KCNH7: variants seen among roughly 807,000 people sequenced by gnomAD.
KCNH7 encodes potassium voltage-gated channel subfamily H member 7.
Under a neutral mutation model 120.8 loss-of-function variants are expected in KCNH7, and 49 were observed. That is an observed-to-expected ratio of 0.41 (90% CI 0.32 to 0.51). KCNH7 has a LOEUF of 0.51. KCNH7 is among the 20% of genes least tolerant of loss of function. The pLI is 0.38. For synonymous variants in KCNH7, 547 were observed against 516.1 expected (o/e 1.06, Z -0.81); for missense variants, 1,097 against 1,446.6 (o/e 0.76, Z 3.92).
chr2:162,464,493 G>A (rs984021647), intron 6 of KCNH7, among the ~76,000 whole-genome samples: 3 of 151,906 alleles, frequency 2.0e-5, no homozygotes, highest in Non-Finnish European at 4.4e-5. Flanking sequence ...GCCTCCTGAT[G>A]GCAACTATCA....
intron 2 of KCNH7, 51 bp from the exon 3 acceptor site, chr2:162,537,131 C>T: frequency 7.0e-7 from 1 of 1,419,184 alleles, no homozygotes; most frequent in Non-Finnish European, 9.8e-7. Flanking sequence ...TCATTCTGAA[C>T]TATCAAGTAA....
intron 2 of KCNH7, among the ~76,000 whole-genome samples, chr2:162,723,974 T>A (rs1378977420): frequency 6.6e-6 from 1 of 152,204 alleles, no homozygotes; most frequent in Non-Finnish European, 1.5e-5. Flanking sequence ...AGAGTTAGAA[T>A]GAAAAGTTTT....
intron 3 of KCNH7, among the ~76,000 whole-genome samples, chr2:162,520,916 C>T (rs531375942): frequency 9.2e-5 from 14 of 151,998 alleles, no homozygotes; most frequent in African/African-American, 3.4e-4. Context: ...TCTTTGCTCT[C>T]TAGAATCCAG....
chr2:162,508,472 G>C (rs912284215), intron 5 of KCNH7, among the ~76,000 whole-genome samples: 11 of 151,398 alleles, frequency 7.3e-5, no homozygotes, highest in African/African-American at 2.4e-4. Flanking sequence ...ATTTCATGCT[G>C]TATAAAAAAG....
chr2:162,513,663 C>T (rs1691189998), intron 4 of KCNH7, among the ~76,000 whole-genome samples: 1 of 151,544 alleles, frequency 6.6e-6, no homozygotes. Flanking sequence ...CTGCCTAGCT[C>T]CAACTTACAT....
chr2:162,819,128 A>G (rs1685014052), intron 2 of KCNH7, among the ~76,000 whole-genome samples: 1 of 152,232 alleles, frequency 6.6e-6, no homozygotes, highest in South Asian at 2.1e-4. Context: ...ACAGTATGAT[A>G]CTGCTTTAAT....
intron 6 of KCNH7, among the ~76,000 whole-genome samples, chr2:162,486,680 C>T (rs1690105768): frequency 6.6e-6 from 1 of 152,106 alleles, no homozygotes; most frequent in African/African-American, 2.4e-5. Context: ...AAATTTCTAA[C>T]ATATTCATGT....
intron 6 of KCNH7, among the ~76,000 whole-genome samples, chr2:162,448,227 T>C (rs1156509020): frequency 6.6e-6 from 1 of 152,098 alleles, no homozygotes; most frequent in Non-Finnish European, 1.5e-5. Context: ...AATAGAACTC[T>C]GATCCCATTA....
At chr2:162,779,042 A>T (rs916963915) in intron 2 of KCNH7, among the ~76,000 whole-genome samples, 3 of 151,754 alleles carry the variant, frequency 2.0e-5, no homozygotes, top group African/African-American at 7.3e-5. Flanking sequence ...TGTAATTTTA[A>T]TTACTTATCA....
At chr2:162,537,263 T>C (rs1294358615) in intron 2 of KCNH7, among the ~76,000 whole-genome samples, 183 bp from the exon 3 acceptor site, 2 of 152,086 alleles carry the variant, frequency 1.3e-5, no homozygotes, top group African/African-American at 4.8e-5. Context: ...AAAATACATA[T>C]GTCTTTCCAG....
At chr2:162,493,958 T>C (rs892372051) in intron 6 of KCNH7, among the ~76,000 whole-genome samples, 1 of 152,202 alleles carries the variant, frequency 6.6e-6, no homozygotes, top group Non-Finnish European at 1.5e-5. Flanking sequence ...AAAGGTACTA[T>C]ATAGTTTTTC....
intron 6 of KCNH7, among the ~76,000 whole-genome samples, chr2:162,456,875 CT>C (rs1688980848): frequency 6.6e-6 from 1 of 151,702 alleles, no homozygotes; most frequent in Non-Finnish European, 1.5e-5. Flanking sequence ...CCTCCATACT[CT>C]CTCTCTCTTT....
intron 6 of KCNH7, among the ~76,000 whole-genome samples, chr2:162,475,942 G>A (rs1347059787): frequency 6.6e-6 from 1 of 152,210 alleles, no homozygotes. Context: ...TTGTTAGTTT[G>A]TATGAACACT....
intron 2 of KCNH7, among the ~76,000 whole-genome samples, chr2:162,750,453 C>T (rs889545263): frequency 1.3e-5 from 2 of 152,116 alleles, no homozygotes; most frequent in African/African-American, 4.8e-5. Context: ...TTTAGAACTG[C>T]ATCAGCTTCA....
chr2:162,523,910 T>A (rs1691614241), intron 3 of KCNH7, among the ~76,000 whole-genome samples: 1 of 151,876 alleles, frequency 6.6e-6, no homozygotes, highest in Admixed American at 6.6e-5. Context: ...TCTGCTAGGT[T>A]GAATTATGGA....
In KCNH7 at chr2:162,768,491, G is replaced by A. The variant is rs1234405045; in HGVS notation, c.307+68046C>T. On this transcript the variant is annotated intron_variant, in intron 2 of 15. Coordinates refer to ENST00000332142, the MANE Select transcript of KCNH7 (RefSeq NM_033272.4). ...AACTCTGGAATCAGCAAAATCCACAGACTTAATTAAGCAATGCCACATTTG... is the reference window on the plus strand; with the variant it reads ...AACTCTGGAATCAGCAAAATCCACAAACTTAATTAAGCAATGCCACATTTG... Among the ~76,000 whole-genome samples, 7 of 152,170 alleles carry A rather than the reference G, an allele frequency of 4.6e-5. No individual in the cohort carries two copies. The South Asian group carries it at 1.2e-3, about 27-fold the overall frequency.
rs1687032737 is a variant in KCNH7, at chr2:162,400,307, G to C, written c.2289C>G (p.Thr763=). The change falls in exon 10 of 16, where the codon ACC becomes ACG. Residue 763 remains threonine (T), a synonymous_variant. Transcript: ENST00000332142. The stretch of plus-strand genomic sequence containing the variant: ...GGGTGTCTCCTGGAGGTGCATGGGT[G>C]GTTTTGAACTTCATTGCCAAAGCTC... ...CLRALAMKFK[T]THAPPGDTLV... is the part of the protein sequence containing the mutation. 6.2e-7 allele frequency: 1 copy of C among 1,612,516 alleles called. No individual in the cohort carries two copies. The highest frequency in any genetic ancestry group is 8.5e-7 in the Non-Finnish European group (1 of 1,179,040).
intron 2 of KCNH7, among the ~76,000 whole-genome samples, chr2:162,647,230 G>A (rs985513157): frequency 7.9e-5 from 12 of 152,210 alleles, no homozygotes; most frequent in South Asian, 2.1e-4. Context: ...CAGGGTTGCC[G>A]CAGTCTCCTA....
chr2:162,476,711 T>C (rs917911681), intron 6 of KCNH7, among the ~76,000 whole-genome samples: 2 of 152,176 alleles, frequency 1.3e-5, no homozygotes, highest in East Asian at 3.8e-4. Context: ...CTATACTATC[T>C]TTAGTAAATA....
Sources: allele counts gnomAD v4.1 joint callset (sites outside exome capture counted in the v4.1 genomes callset), GRCh38; gene constraint gnomAD v4.1.1; transcripts MANE v1.5; gene names NCBI Gene and HGNC (gene_info 2026-07-23, HGNC 2026-07-21).